SOX6: variants seen among roughly 807,000 people sequenced by gnomAD.
SOX6 encodes SRY-box transcription factor 6.
In SOX6, 11 loss-of-function variants were observed where a neutral mutation model predicts 97.8. The ratio of observed to expected loss-of-function variants is 0.11; its 90% CI spans 0.07 to 0.19. The LOEUF is 0.19. Ranked by LOEUF, SOX6 falls within the 10% of genes least tolerant of loss-of-function variation. SOX6 has a pLI of 1.00. For missense variants in SOX6, 810 were observed against 1,039.5 expected (o/e 0.78, Z 3.04); for synonymous variants, 360 against 371.4 (o/e 0.97, Z 0.35).
At chr11:16,681,316 T>C (rs991774793) in intron 3 of SOX6, among the ~76,000 whole-genome samples, 25 of 152,090 alleles carry the variant, frequency 1.6e-4, no homozygotes, top group Admixed American at 1.3e-4. Flanking sequence ...CACTCAAAAC[T>C]ACACAACTAC....
intron 6 of SOX6, among the ~76,000 whole-genome samples, chr11:16,132,336 A>AAAGAAAGAAAG (rs1849781629): frequency 1.0e-5 from 1 of 95,776 alleles, no homozygotes; most frequent in African/African-American, 4.0e-5. Flanking sequence ...GGAAGGAAAG[A>AAAGAAAGAAAG]AAAAAGAAAG....
intron 4 of SOX6, among the ~76,000 whole-genome samples, chr11:16,496,291 T>A (rs1204452732): frequency 1.4e-5 from 2 of 145,770 alleles, no homozygotes; most frequent in Non-Finnish European, 3.0e-5. Context: ...TTACAGAAGA[T>A]CAATGAGACA....
chr11:16,647,481 C>T (rs1033730016), intron 3 of SOX6, among the ~76,000 whole-genome samples: 4 of 152,128 alleles, frequency 2.6e-5, no homozygotes, highest in African/African-American at 4.8e-5. Context: ...TCTGGAGAAG[C>T]GGGAAAGATG....
intron 4 of SOX6, among the ~76,000 whole-genome samples, chr11:16,570,177 C>T (rs1847922592): frequency 6.6e-6 from 1 of 152,070 alleles, no homozygotes; most frequent in Non-Finnish European, 1.5e-5. Flanking sequence ...TACAGTCTTA[C>T]CACATATTCT....
chr11:16,658,600 A>G (rs1847742396), intron 3 of SOX6, among the ~76,000 whole-genome samples: 1 of 151,842 alleles, frequency 6.6e-6, no homozygotes, highest in Non-Finnish European at 1.5e-5. Flanking sequence ...CCCAGCTACT[A>G]GGGAGGCTGA....
chr11:16,165,725 C>T (rs1850870553), intron 6 of SOX6, among the ~76,000 whole-genome samples: 1 of 152,032 alleles, frequency 6.6e-6, no homozygotes, highest in African/African-American at 2.4e-5. Flanking sequence ...TGGTGAAACC[C>T]TGTCTCTACT....
chr11:16,523,387 G>C (rs1216514161), intron 4 of SOX6, among the ~76,000 whole-genome samples: 6 of 152,094 alleles, frequency 3.9e-5, no homozygotes, highest in Non-Finnish European at 7.3e-5. Flanking sequence ...TGACTACTGG[G>C]TACATAAGGA....
chr11:16,418,109 T>TA, intron 1 of SOX6, among the ~76,000 whole-genome samples: 1 of 152,328 alleles, frequency 6.6e-6, no homozygotes, highest in African/African-American at 2.4e-5. Flanking sequence ...CACAGACATT[T>TA]AAAAATGTGT....
chr11:16,726,760 A>T (rs1464419750), intron 2 of SOX6, among the ~76,000 whole-genome samples: 2 of 152,222 alleles, frequency 1.3e-5, no homozygotes, highest in Admixed American at 1.3e-4. Context: ...TGTTGATTAG[A>T]GCAAAAACTA....
At chr11:16,548,907 A>G (rs1392400171) in intron 4 of SOX6, among the ~76,000 whole-genome samples, 1 of 152,110 alleles carries the variant, frequency 6.6e-6, no homozygotes, top group Non-Finnish European at 1.5e-5. Flanking sequence ...ACGTATACAT[A>G]TTTCAAAAAA....
chr11:16,691,139 T>C lies in SOX6; in HGVS notation n.429+23691A>G, dbSNP rs1848010193. Among the ~76,000 whole-genome samples, 7 of 152,234 alleles carry C rather than the reference T, an allele frequency of 4.6e-5. No individual in the cohort carries two copies. The South Asian group carries it at 1.4e-3, about 32-fold the overall frequency. On this transcript the variant is annotated intron_variant and non_coding_transcript_variant, in intron 3 of 5. Transcript: ENST00000524520. Reference sequence around the variant, plus strand: ...TTTTCATGACCCTCCTTGGAGTTAGTTGGCACAATCCTGATAACCATCAGA... The same window carrying C: ...TTTTCATGACCCTCCTTGGAGTTAGCTGGCACAATCCTGATAACCATCAGA...
At chr11:16,019,627 T>G (rs984050810) in intron 12 of SOX6, among the ~76,000 whole-genome samples, 3 of 152,272 alleles carry the variant, frequency 2.0e-5, no homozygotes, top group African/African-American at 7.2e-5. Flanking sequence ...GCTCATATAA[T>G]TATGGATTTA....
intron 9 of SOX6, among the ~76,000 whole-genome samples, chr11:16,062,442 A>G (rs1847982688): frequency 1.3e-5 from 2 of 151,746 alleles, no homozygotes; most frequent in African/African-American, 4.8e-5. Context: ...CATAATGATT[A>G]TAATAATGAA....
chr11:16,234,903 T>G (rs1462683828), intron 3 of SOX6, among the ~76,000 whole-genome samples: 2 of 151,968 alleles, frequency 1.3e-5, no homozygotes, highest in Admixed American at 6.6e-5. Context: ...AAAAAGATAA[T>G]GCTCAATAAT....
chr11:16,046,402 G>C, intron 12 of SOX6, 112 bp downstream of exon 12: 1 of 1,158,194 alleles, frequency 8.6e-7, no homozygotes, highest in Non-Finnish European at 1.3e-6. Context: ...CAGCCCTCAA[G>C]CTGGAAGCCC....
chr11:16,169,310 TTATAA>T (rs955851846), intron 6 of SOX6, among the ~76,000 whole-genome samples: 10 of 152,114 alleles, frequency 6.6e-5, no homozygotes, highest in Non-Finnish European at 1.5e-4. Context: ...AGTCCTATCA[TTATAA>T]TATAATATGA....
At chr11:16,471,311 C>A (rs1051773808) in intron 1 of SOX6, among the ~76,000 whole-genome samples, 18 of 152,082 alleles carry the variant, frequency 1.2e-4, no homozygotes, top group Non-Finnish European at 8.8e-5. Flanking sequence ...GAAGAGACAG[C>A]CATTTTCCTT....
At chr11:16,683,062 C>T (rs1245978092) in intron 3 of SOX6, among the ~76,000 whole-genome samples, 6 of 152,200 alleles carry the variant, frequency 3.9e-5, no homozygotes, top group Non-Finnish European at 5.9e-5. Flanking sequence ...GAACTACAAA[C>T]CACTGCTCAA....
chr11:16,366,229 G>A (rs1224951705), intron 1 of SOX6, among the ~76,000 whole-genome samples: 1 of 152,062 alleles, frequency 6.6e-6, no homozygotes, highest in Non-Finnish European at 1.5e-5. Flanking sequence ...GATTTCATTT[G>A]CCATCTTTCA....
Sources: gnomAD v4.1 joint callset for allele counts (sites outside exome capture counted in the v4.1 genomes callset) on GRCh38, gnomAD v4.1.1 for gene constraint, MANE v1.5 for transcripts, NCBI Gene and HGNC (gene_info 2026-07-23, HGNC 2026-07-21) for gene names.